PCDH10: variants seen among roughly 807,000 people sequenced by gnomAD.
The protein encoded by PCDH10 is protocadherin-10.
In PCDH10, 15 loss-of-function variants were observed where a neutral mutation model predicts 74.4. The observed-to-expected ratio is 0.20, with a 90% CI of 0.13 to 0.31. The LOEUF (loss-of-function observed/expected upper bound fraction) is 0.31, where lower values mean the gene tolerates loss of function less well. Ranked by LOEUF, PCDH10 falls within the 10% of genes least tolerant of loss-of-function variation. The pLI is 1.00. For synonymous variants in PCDH10, 619 were observed against 589.8 expected, an observed-to-expected ratio of 1.05 and a Z score of -0.72; for missense variants, 1,260 against 1,390.2, an observed-to-expected ratio of 0.91 and a Z score of 1.49.
chr4:133,152,495 A>G lies in PCDH10; in HGVS notation c.2355A>G (p.Ser785=), dbSNP rs781387132. The G allele has an allele frequency of 6.2e-7, 1 of 1,614,144 alleles. No individual in the cohort carries two copies. The highest frequency in any genetic ancestry group is 1.7e-5 in the Admixed American group (1 of 60,024). Residue 785 remains serine (S), a synonymous_variant, in exon 1 of 5, where the codon TCA becomes TCG. Transcript: ENST00000264360. ...ARARKKKLSK[S]DIMLVQSSNV... is the part of the protein sequence containing the mutation. ...CGCGCAAGAAGAAACTCAGCAAGTC[A>G]GACATCATGCTGGTGCAGAGCTCCA...
chr4:133,166,066 A>G (rs1026466019), intron 4 of PCDH10, among the ~76,000 whole-genome samples: 1 of 151,628 alleles, frequency 6.6e-6, no homozygotes, highest in African/African-American at 2.4e-5. Flanking sequence ...CACATCATTC[A>G]ATACTTGCTG....
At chr4:133,154,617 C>A (rs1726823766) in intron 2 of PCDH10, among the ~76,000 whole-genome samples, 1 of 152,186 alleles carries the variant, frequency 6.6e-6, no homozygotes, top group African/African-American at 2.4e-5. Context: ...TTCCGATAGT[C>A]TTCCTCACTG....
chr4:133,150,812 G>C lies in PCDH10; in HGVS notation c.672G>C (p.Leu224=), dbSNP rs759022886. The change falls in exon 1 of 5, where the codon CTG becomes CTC. Residue 224 remains leucine, a synonymous_variant. Coordinates refer to ENST00000264360, the MANE Select transcript of PCDH10 (RefSeq NM_032961.3). ...GGGGAGGTGGCGGGGGAGCAGGCCT[G>C]CCCCCCCAGCAGCAGCGCACCGGCA... is the stretch of plus-strand genomic sequence containing the variant. ...EGGGGGGGAG[L]PPQQQRTGTA... 1.3e-6 allele frequency: 2 copies of C among 1,585,776 alleles called. No individual in the cohort carries two copies. Among genetic ancestry groups the C allele is most frequent in the Non-Finnish European group, 1.7e-6 (2 of 1,167,724 alleles).
intron 2 of PCDH10, among the ~76,000 whole-genome samples, chr4:133,201,716 C>T (rs1727912851): frequency 6.6e-6 from 1 of 151,940 alleles, no homozygotes; most frequent in Admixed American, 6.6e-5. Context: ...ATTAGCCGGG[C>T]ATGGTGGCTC....
chr4:133,168,672 A>G (rs1460062017), intron 4 of PCDH10, among the ~76,000 whole-genome samples: 1 of 151,610 alleles, frequency 6.6e-6, no homozygotes, highest in Non-Finnish European at 1.5e-5. Flanking sequence ...TCTTCCCAAT[A>G]CAATTACTCC....
chr4:133,157,788 A>T (rs1388368739), intron 3 of PCDH10, among the ~76,000 whole-genome samples: 8 of 151,860 alleles, frequency 5.3e-5, no homozygotes, highest in Admixed American at 5.3e-4. Flanking sequence ...TTATTCTTTT[A>T]TGAATAGTTT....
chr4:133,186,453 AAAAG>A (rs1310161033), intron 4 of PCDH10, among the ~76,000 whole-genome samples: 1 of 152,188 alleles, frequency 6.6e-6, no homozygotes, highest in Non-Finnish European at 1.5e-5. Context: ...AATGAAAAGA[AAAAG>A]AAATCCTCCA....
At chr4:133,179,425 C>T (rs1727363533) in intron 4 of PCDH10, among the ~76,000 whole-genome samples, 1 of 152,130 alleles carries the variant, frequency 6.6e-6, no homozygotes, top group African/African-American at 2.4e-5. Flanking sequence ...TAAGCTCTGC[C>T]TACATTTCTG....
intron 2 of PCDH10, 94 bp from the exon 3 acceptor site, chr4:133,154,823 C>A: frequency 1.2e-6 from 1 of 855,732 alleles, no homozygotes; most frequent in Admixed American, 2.0e-5. Flanking sequence ...GTCTGTGAGT[C>A]TGCAGCACCA....
At chr4:133,205,422 C>T (rs908479053) in intron 2 of PCDH10, among the ~76,000 whole-genome samples, 2 of 152,072 alleles carry the variant, frequency 1.3e-5, no homozygotes, top group Non-Finnish European at 2.9e-5. Flanking sequence ...CACAGGATCC[C>T]CCAGCTCCTT....
At chr4:133,189,308 T>C (rs975789367) in intron 4 of PCDH10, among the ~76,000 whole-genome samples, 11 of 152,294 alleles carry the variant, frequency 7.2e-5, no homozygotes, top group African/African-American at 2.6e-4. Flanking sequence ...TGCCATATAC[T>C]GATAGATATG....
intron 2 of PCDH10, among the ~76,000 whole-genome samples, chr4:133,202,013 T>C (rs1727918374): frequency 6.6e-6 from 1 of 152,090 alleles, no homozygotes; most frequent in South Asian, 2.1e-4. Context: ...CACATAATAT[T>C]GGGCCTTAAT....
At chr4:133,160,545 A>T (rs929046563) in intron 3 of PCDH10, among the ~76,000 whole-genome samples, 9 of 151,070 alleles carry the variant, frequency 6.0e-5, no homozygotes, top group African/African-American at 2.2e-4. Flanking sequence ...CATACTTGCC[A>T]GATAGGAAAA....
At chr4:133,207,096 TTGAAA>T (rs1483502944) in intron 2 of PCDH10, among the ~76,000 whole-genome samples, 1 of 152,124 alleles carries the variant, frequency 6.6e-6, no homozygotes, top group African/African-American at 2.4e-5. Context: ...TATCATTATC[TTGAAA>T]TGATATCTAA....
chr4:133,151,537 C>T lies in PCDH10; in HGVS notation c.1397C>T (p.Pro466Leu), dbSNP rs1466602162. The part of the protein sequence containing the change: ...VNDNAPRFSQ[P>L]VYDVYVTENN... Reference sequence around the variant, plus strand: ...GACAACGCGCCGCGTTTCAGCCAGCCGGTCTACGACGTGTATGTGACTGAA... The same window carrying T: ...GACAACGCGCCGCGTTTCAGCCAGCTGGTCTACGACGTGTATGTGACTGAA... The change falls in exon 1 of 5, where the codon CCG becomes CTG. Residue 466 changes from proline (P) to leucine (L), a missense_variant. By Grantham distance (98) the Pro-to-Leu change is moderately conservative (BLOSUM62 -3). Around this residue, in one of 11 missense-constraint regions of PCDH10, gnomAD observed 587 missense variants for 616.9 expected, o/e 0.95. Transcript: ENST00000264360. 7.4e-6 allele frequency: 12 copies of T among 1,614,016 alleles called. No homozygotes were observed. In the Admixed American group the frequency reaches 1.7e-4, roughly 22 times the overall value.
At chr4:133,201,110 C>A (rs1200339533) in intron 2 of PCDH10, among the ~76,000 whole-genome samples, 18 of 152,032 alleles carry the variant, frequency 1.2e-4, no homozygotes, top group African/African-American at 4.3e-4. Context: ...GTACGTCTCC[C>A]AGAGAAATCA....
chr4:133,151,654 G>T lies in PCDH10; in HGVS notation c.1514G>T (p.Cys505Phe), dbSNP rs753159365. The T allele has an allele frequency of 6.2e-7, 1 of 1,613,792 alleles. No individual in the cohort carries two copies. The highest frequency in any genetic ancestry group is 1.1e-5 in the South Asian group (1 of 91,088). The change falls in exon 1 of 5, where the codon TGC becomes TTC. Residue 505 changes from cysteine to phenylalanine, a missense_variant. Cys to Phe is a radical substitution (Grantham distance 205). Coordinates refer to ENST00000264360, the MANE Select transcript of PCDH10 (RefSeq NM_032961.3). Reference sequence around the variant, plus strand: ...CAGCTTGCCTACTCTATCCTCGAGTGCCAGATCCAGGGCATGAGCGTCTTC... The same window carrying T: ...CAGCTTGCCTACTCTATCCTCGAGTTCCAGATCCAGGGCATGAGCGTCTTC... ...NAQLAYSILE[C>F]QIQGMSVFTY...
In PCDH10 at chr4:133,152,250, C is replaced by A; in HGVS notation, c.2110C>A (p.Arg704Ser). Residue 704 changes from arginine to serine, a missense_variant, in exon 1 of 5, where the codon CGC becomes AGC. This residue lies in a region of PCDH10 where 587 missense variants were observed against 616.9 expected (regional missense o/e 0.95). Transcript: ENST00000264360. The part of the protein sequence containing the change: ...GGSGEHQRPS[R>S]SGGGETSLDL... The stretch of plus-strand genomic sequence containing the variant: ...GTCAGGAGAGCACCAGCGCCCCAGT[C>A]GCTCTGGCGGCGGGGAAACCTCGCT... 2 of 1,611,552 alleles carry A rather than the reference C, an allele frequency of 1.2e-6. No individual in the cohort carries two copies. Among genetic ancestry groups the A allele is most frequent in the East Asian group, 2.2e-5 (1 of 44,816 alleles).
rs1726636582 is a variant in PCDH10, at chr4:133,150,461, G to A, written c.321G>A (p.Gln107=). 4 of 1,613,956 alleles carry A rather than the reference G, an allele frequency of 2.5e-6. No individual in the cohort carries two copies. The East Asian group carries it at 6.7e-5, about 27-fold the overall frequency. Reference sequence around the variant, plus strand: ...TGGAGAACCCCCTGGAGCTGTTCCAGGTGGAGATCGAGGTGCTGGACATTA... The same window carrying A: ...TGGAGAACCCCCTGGAGCTGTTCCAAGTGGAGATCGAGGTGCTGGACATTA... The part of the protein sequence containing the change: ...VFLENPLELF[Q]VEIEVLDIND... Residue 107 remains glutamine, a synonymous_variant, in exon 1 of 5, where the codon CAG becomes CAA. Transcript: ENST00000264360.
Sources: gnomAD v4.1 joint callset for allele counts (sites outside exome capture counted in the v4.1 genomes callset) on GRCh38, gnomAD v4.1.1 for gene constraint, gnomAD v4.1.1 regional missense constraint, MANE v1.5 for transcripts, NCBI Gene and HGNC (gene_info 2026-07-23, HGNC 2026-07-21) for gene names.